The following CLDN20 variants were observed in gnomAD, a reference collection of about 807,000 sequenced individuals.
CLDN20 encodes claudin-20.
For missense variants in CLDN20, 258 were observed against 267.9 expected (o/e 0.96, Z 0.26); for synonymous variants, 104 against 103.6 (o/e 1.00, Z -0.03).
rs1210398622 is a variant in CLDN20 at position 155,276,066 on chromosome 6, A to T, written c.347A>T (p.His116Leu). The T allele has an allele frequency of 1.9e-6, 3 of 1,614,196 alleles. No homozygotes were observed. The highest frequency in any genetic ancestry group is 2.5e-6 in the Non-Finnish European group (3 of 1,180,036). Residue 116 changes from histidine (H) to leucine (L), a missense_variant, in exon 2 of 2, where the codon CAT becomes CTT. By Grantham distance (99) the His-to-Leu change is moderately conservative. Coordinates refer to ENST00000367165, the MANE Select transcript of CLDN20 (RefSeq NM_001001346.3). ...RLGGDRETKS[H>L]ASFAGGVCFM... ...GGAGGGGACAGAGAAACCAAGAGCC[A>T]TGCTTCCTTTGCTGGAGGAGTCTGT...
chr6:155,269,593 A>G (rs553576139), intron 1 of CLDN20, among the ~76,000 whole-genome samples: 98 of 152,206 alleles, frequency 6.4e-4, no homozygotes, highest in Non-Finnish European at 1.2e-3. Context: ...AAGTGTTGGG[A>G]TTACAGGTGT....
rs76912200 is a variant in CLDN20 at position 155,274,062 on chromosome 6, C to T, written c.-104-1554C>T. ...GTATTAACTTATTTAACCCTATGAA[C>T]GAAGTATTTCAATCCTCCCCATTTT... On this transcript the variant is annotated intron_variant, in intron 1 of 1. Coordinates refer to ENST00000367165, the MANE Select transcript of CLDN20 (RefSeq NM_001001346.3). Among the ~76,000 whole-genome samples the T allele has an allele frequency of 3.4e-3, 515 of 152,236 alleles. 4 individuals carry two copies. Among genetic ancestry groups the T allele is most frequent in the African/African-American group, 0.011 (469 of 41,534 alleles).
At position 155,276,266 on chromosome 6, in the gene CLDN20, A is replaced by G; in HGVS notation, c.547A>G (p.Thr183Ala). 3 of 1,614,056 alleles carry G rather than the reference A, an allele frequency of 1.9e-6. No individual in the cohort carries two copies. The highest frequency in any genetic ancestry group is 2.2e-5 in the South Asian group (2 of 91,078). ...LLFISGMIFC[T>A]SCIKRNPEAR... ...GTTTATCTCTGGCATGATTTTCTGCACCTCCTGTATAAAAAGGAATCCAGA... is the reference window on the plus strand; with the variant it reads ...GTTTATCTCTGGCATGATTTTCTGCGCCTCCTGTATAAAAAGGAATCCAGA... The change falls in exon 2 of 2, where the codon ACC becomes GCC. Residue 183 changes from threonine (T) to alanine (A), a missense_variant. Transcript: ENST00000367165.
intron 1 of CLDN20, among the ~76,000 whole-genome samples, chr6:155,272,895 A>G (rs927717): frequency 0.66 from 99,788 of 152,016 alleles, 33,511 homozygotes; most frequent in East Asian, 0.98. Flanking sequence ...GTTATAAAAT[A>G]TATCAGTTAA....
chr6:155,265,421 C>T (rs1319419905), intron 1 of CLDN20, among the ~76,000 whole-genome samples: 3 of 152,062 alleles, frequency 2.0e-5, no homozygotes, highest in South Asian at 2.1e-4. Context: ...AATTATCAAA[C>T]GGACTAGACA....
Position 155,275,611 on chromosome 6 carries a change from C to G in CLDN20, c.-104-5C>G. 3 of 1,174,820 alleles carry G rather than the reference C, an allele frequency of 2.6e-6. No homozygotes were observed. The highest frequency in any genetic ancestry group is 3.6e-6 in the Non-Finnish European group (3 of 827,490). 72.8% of individuals were successfully genotyped at this position (1,174,820 alleles called of 1,614,324 possible). ...CTCAATCCTGGTTTTGCCTTTTTTC[C>G]TTAGGCTTTGTTATTTGGTTCTCTA... On this transcript the variant is annotated splice_region_variant and splice_polypyrimidine_tract_variant and intron_variant, in intron 1 of 1. Transcript: ENST00000367165.
In CLDN20 at chr6:155,265,706, T is replaced by A. The variant is rs965986487; in HGVS notation, c.-105+1418T>A. 4.0e-4 allele frequency among the ~76,000 whole-genome samples: 59 copies of A among 146,560 alleles called. 1 individual carries two copies. The highest frequency in any genetic ancestry group is 3.6e-3 in the Middle Eastern group (1 of 276). ...ATATGAGTTTATTAAATATAAATAT[T>A]AAATATATTTATATATAATATAAAT... On this transcript the variant is annotated intron_variant, in intron 1 of 1. Transcript: ENST00000367165.
rs536392718 is a variant in CLDN20 at position 155,276,392 on chromosome 6, T to C, written c.*13T>C. On this transcript the variant is annotated 3_prime_UTR_variant, in exon 2 of 2. Coordinates refer to ENST00000367165, the MANE Select transcript of CLDN20 (RefSeq NM_001001346.3). ...GGATTATGTGTAAATAACTGAGTAA[T>C]GCATATGAAATGGAACTTTTGGGTG... 9 of 1,594,030 alleles carry C rather than the reference T, an allele frequency of 5.6e-6. No individual in the cohort carries two copies. The African/African-American group carries it at 1.2e-4, about 21-fold the overall frequency.
At chr6:155,275,559 A>C in intron 1 of CLDN20, 57 bp from the exon 2 acceptor site, 1 of 693,218 alleles carries the variant, frequency 1.4e-6, no homozygotes, top group Non-Finnish European at 2.5e-6. Flanking sequence ...TCTAAAGGGA[A>C]GCCTTTTGTT....
At chr6:155,268,208 C>A (rs1021490629) in intron 1 of CLDN20, among the ~76,000 whole-genome samples, 1 of 152,168 alleles carries the variant, frequency 6.6e-6, no homozygotes, top group African/African-American at 2.4e-5. Context: ...GTCTCCAATT[C>A]TGATCTCTTT....
At chr6:155,269,324 C>CTTTTTTTTTTTTT (rs60162262) in intron 1 of CLDN20, among the ~76,000 whole-genome samples, 54 of 127,200 alleles carry the variant, frequency 4.2e-4, no homozygotes, top group East Asian at 6.9e-4. Context: ...CTTTTCTTTT[C>CTTTTTTTTTTTTT]TTTTTTTTTT....
Position 155,276,395 on chromosome 6 carries a change from A to G in CLDN20, c.*16A>G. 1 of 1,589,040 alleles carries G rather than the reference A, an allele frequency of 6.3e-7. No individual in the cohort carries two copies. The highest frequency in any genetic ancestry group is 8.6e-7 in the Non-Finnish European group (1 of 1,165,776). On this transcript the variant is annotated 3_prime_UTR_variant, in exon 2 of 2. Coordinates refer to ENST00000367165, the MANE Select transcript of CLDN20 (RefSeq NM_001001346.3). ...TTATGTGTAAATAACTGAGTAATGC[A>G]TATGAAATGGAACTTTTGGGTGCCA... is the stretch of plus-strand genomic sequence containing the variant.
intron 1 of CLDN20, among the ~76,000 whole-genome samples, chr6:155,273,099 C>T (rs1326481966): frequency 1.3e-5 from 2 of 152,202 alleles, no homozygotes; most frequent in African/African-American, 2.4e-5. Context: ...AGCAAGCTGG[C>T]TGGAGTCCGA....
At chr6:155,273,261 T>G (rs772304659) in intron 1 of CLDN20, among the ~76,000 whole-genome samples, 1 of 152,228 alleles carries the variant, frequency 6.6e-6, no homozygotes, top group Non-Finnish European at 1.5e-5. Context: ...CTAGGCACAC[T>G]GATGTCTACA....
At chr6:155,267,095 CT>C (rs1784687183) in intron 1 of CLDN20, among the ~76,000 whole-genome samples, 1 of 151,556 alleles carries the variant, frequency 6.6e-6, no homozygotes, top group Admixed American at 6.6e-5. Context: ...GTGTCTCAGC[CT>C]CCTGAGTAGC....
intron 1 of CLDN20, among the ~76,000 whole-genome samples, chr6:155,269,374 TG>T (rs1369989622): frequency 7.0e-6 from 1 of 142,496 alleles, no homozygotes; most frequent in African/African-American, 2.6e-5. Context: ...CAGGCTGGAG[TG>T]CTATGACACG....
At chr6:155,275,544 C>T (rs1006806817) in intron 1 of CLDN20, 72 bp from the exon 2 acceptor site, 10 of 642,266 alleles carry the variant, frequency 1.6e-5, no homozygotes, top group Non-Finnish European at 2.5e-5. Flanking sequence ...GTTCTTGGCT[C>T]CTACTCTAAA....
At position 155,275,883 on chromosome 6, in the gene CLDN20, C is replaced by T. The variant is rs372413050; in HGVS notation, c.164C>T (p.Thr55Met). The T allele has an allele frequency of 7.6e-5, 122 of 1,614,140 alleles. No homozygotes were observed. In the East Asian group the frequency reaches 1.2e-3, roughly 16 times the overall value. The change falls in exon 2 of 2, where the codon ACG becomes ATG. Residue 55 changes from threonine to methionine, a missense_variant. By Grantham distance (81) the Thr-to-Met change is moderately conservative. Transcript: ENST00000367165. ...VQLHGLWMDC[T>M]WYSTGMFSCA... ...CTGCACGGGCTCTGGATGGACTGTACGTGGTACAGCACTGGGATGTTCAGC... is the reference window on the plus strand; with the variant it reads ...CTGCACGGGCTCTGGATGGACTGTATGTGGTACAGCACTGGGATGTTCAGC...
At chr6:155,271,571 T>G (rs1369086632) in intron 1 of CLDN20, among the ~76,000 whole-genome samples, 1 of 152,178 alleles carries the variant, frequency 6.6e-6, no homozygotes. Context: ...TTAAAAAACT[T>G]TCTTCTGAAT....
Sources: allele counts gnomAD v4.1 joint callset (sites outside exome capture counted in the v4.1 genomes callset), GRCh38; gene constraint gnomAD v4.1.1; transcripts MANE v1.5; gene names NCBI Gene and HGNC (gene_info 2026-07-23, HGNC 2026-07-21).